The following MARCHF2 variants were observed in gnomAD, a reference collection of about 807,000 sequenced individuals.
MARCHF2 encodes E3 ubiquitin-protein ligase MARCHF2.
Under a neutral mutation model 24.0 loss-of-function variants are expected in MARCHF2, and 22 were observed. That is an observed-to-expected ratio of 0.92 (90% CI 0.66 to 1.31). MARCHF2 has a LOEUF of 1.31. MARCHF2 is among the 50% of genes most tolerant of loss of function. The pLI is 0.00. For missense variants in MARCHF2, 301 were observed against 335.3 expected, an observed-to-expected ratio of 0.90 and a Z score of 0.80; for synonymous variants, 154 against 153.0, an observed-to-expected ratio of 1.01 and a Z score of -0.05.
At chr19:8,419,013 C>T (rs907107333) in intron 1 of MARCHF2, among the ~76,000 whole-genome samples, 1 of 152,024 alleles carries the variant, frequency 6.6e-6, no homozygotes, top group African/African-American at 2.4e-5. Flanking sequence ...GGCTCCAGGG[C>T]ACCTGTATTG....
Position 8,430,697 on chromosome 19 carries a change from CTG to C in MARCHF2, c.415_416del (p.Cys139LeufsTer125), listed in dbSNP as rs759273580. On this transcript the variant is annotated frameshift_variant, in exon 4 of 5. Coordinates refer to ENST00000215555, the MANE Select transcript of MARCHF2 (RefSeq NM_001005415.2). LOFTEE classifies it high-confidence loss of function. This position sits in a 1 kb window ranked among gnomAD's most constrained non-coding sequence, Gnocchi z 4.4. Reference sequence around the variant, plus strand: ...GGGGCCGCGGACGGAGAAGCGGACACTGTGCTGCGACATGGTGTGTTTCCTGT... The same window carrying C: ...GGGGCCGCGGACGGAGAAGCGGACACTGCTGCGACATGGTGTGTTTCCTGT... ...DPGPRTEKRT[L>X]CCDMVCFLFI... is the part of the protein sequence containing the mutation. 16 of 1,610,988 alleles carry C rather than the reference CTG, an allele frequency of 9.9e-6. No individual in the cohort carries two copies. Among genetic ancestry groups the C allele is most frequent in the Middle Eastern group, 1.8e-4 (1 of 5,612 alleles).
chr19:8,418,895 A>C (rs986134195), intron 1 of MARCHF2: 2 of 151,920 alleles, frequency 1.3e-5, no homozygotes, highest in African/African-American at 4.8e-5. Context: ...TACTTCGCTG[A>C]GTACTTGATT....
At position 8,421,912 on chromosome 19, in the gene MARCHF2, G is replaced by A. The variant is rs749489843; in HGVS notation, c.72G>A (p.Lys24=). 1 of 1,613,874 alleles carries A rather than the reference G, an allele frequency of 6.2e-7. No individual in the cohort carries two copies. The highest frequency in any genetic ancestry group is 2.2e-5 in the East Asian group (1 of 44,866). Residue 24 remains lysine (K), a synonymous_variant, in exon 2 of 5, where the codon AAG becomes AAA. Transcript: ENST00000215555. The part of the protein sequence containing the change: ...CDCSGSPAFS[K]VVEATGLGPP... ...GCTCCGGCAGCCCTGCCTTCTCCAA[G>A]GTCGTGGAGGCTACGGGCCTCGGAC...
intron 2 of MARCHF2, 82 bp from the exon 3 acceptor site, chr19:8,426,527 T>C (rs1302881381): frequency 5.3e-5 from 61 of 1,146,016 alleles, no homozygotes; most frequent in Non-Finnish European, 7.4e-5. Context: ...GGGGTAAGGG[T>C]GAGCTTGTGA....
At chr19:8,435,240 G>A (rs1416315074) in intron 4 of MARCHF2, among the ~76,000 whole-genome samples, 2 of 151,856 alleles carry the variant, frequency 1.3e-5, no homozygotes, top group African/African-American at 2.4e-5. Context: ...GGATGGTCTC[G>A]ATTTCTTGAC....
intron 3 of MARCHF2, among the ~76,000 whole-genome samples, chr19:8,429,592 C>T (rs1049714271): frequency 6.6e-6 from 1 of 151,530 alleles, no homozygotes; most frequent in Admixed American, 6.6e-5. Context: ...GCAACCTCCA[C>T]CTCCTGGGTT....
At position 8,421,820 on chromosome 19, in the gene MARCHF2, G is replaced by A; in HGVS notation, c.-21G>A. ...GGAACCATGGGCCTCAGGCCCTGAG[G>A]ATACGGGGCTCCCGGTGGCCATGAC... On this transcript the variant is annotated 5_prime_UTR_variant, in exon 2 of 5. Coordinates refer to ENST00000215555, the MANE Select transcript of MARCHF2 (RefSeq NM_001005415.2). 6.3e-7 allele frequency: 1 copy of A among 1,593,166 alleles called. No homozygotes were observed. The highest frequency in any genetic ancestry group is 8.6e-7 in the Non-Finnish European group (1 of 1,169,130).
intron 4 of MARCHF2, among the ~76,000 whole-genome samples, chr19:8,433,675 C>CAAAAAA (rs143853447): frequency 2.2e-5 from 2 of 90,678 alleles, no homozygotes; most frequent in East Asian, 3.6e-4. Context: ...GACTCCGTCT[C>CAAAAAA]AAAAAAAAAA....
At chr19:8,437,593 C>T (rs1227462118) in intron 4 of MARCHF2, among the ~76,000 whole-genome samples, 1 of 151,688 alleles carries the variant, frequency 6.6e-6, no homozygotes, top group African/African-American at 2.4e-5. Flanking sequence ...CCTCATGATC[C>T]ACCTGCCTTG....
At chr19:8,416,815 C>A (rs533895951) in intron 1 of MARCHF2, among the ~76,000 whole-genome samples, 5 of 152,166 alleles carry the variant, frequency 3.3e-5, no homozygotes, top group African/African-American at 7.2e-5. Flanking sequence ...GATCCTCCCA[C>A]CTCAGCCCCC....
At chr19:8,435,445 C>A (rs190471818) in intron 4 of MARCHF2, among the ~76,000 whole-genome samples, 8 of 152,276 alleles carry the variant, frequency 5.3e-5, no homozygotes, top group East Asian at 3.9e-4. Context: ...CAGCCTCCCC[C>A]ACTATTAACA....
intron 1 of MARCHF2, among the ~76,000 whole-genome samples, chr19:8,420,489 T>G (rs536782802): frequency 6.8e-6 from 1 of 146,986 alleles, no homozygotes; most frequent in Non-Finnish European, 1.5e-5. Flanking sequence ...TGAGCTGAGA[T>G]CGTGCCACTG....
intron 2 of MARCHF2, 150 bp from the exon 3 acceptor site, chr19:8,426,459 G>C: frequency 1.6e-6 from 1 of 637,550 alleles, no homozygotes. Flanking sequence ...TTCCCAAAGG[G>C]AAGGACATTT....
intron 1 of MARCHF2, chr19:8,418,491 GT>G (rs1242459678): frequency 1.9e-5 from 3 of 154,102 alleles, no homozygotes; most frequent in Non-Finnish European, 4.3e-5. Context: ...GCTCAGATTT[GT>G]TTTTTTGTTT....
chr19:8,419,225 G>A (rs919326751), intron 1 of MARCHF2, among the ~76,000 whole-genome samples: 6 of 152,134 alleles, frequency 3.9e-5, no homozygotes, highest in Admixed American at 6.6e-5. Context: ...GCCGGGCGTG[G>A]TGGCTCATGC....
At chr19:8,419,896 C>T (rs113206823) in intron 1 of MARCHF2, among the ~76,000 whole-genome samples, 34 of 149,658 alleles carry the variant, frequency 2.3e-4, no homozygotes, top group African/African-American at 7.5e-4. Flanking sequence ...CAGTGGCTCA[C>T]ACCTGTAATC....
chr19:8,419,708 C>T (rs1352265028), intron 1 of MARCHF2, among the ~76,000 whole-genome samples: 4 of 146,594 alleles, frequency 2.7e-5, no homozygotes, highest in Non-Finnish European at 1.5e-5. Context: ...CCCAGCTACT[C>T]GGGAGGCTGA....
At position 8,416,300 on chromosome 19, in the gene MARCHF2, CACTGTACTCCAGCCTGGGCG is replaced by C. The variant is rs540975304; in HGVS notation, c.-53+2883_-53+2902del. 7.4e-5 allele frequency among the ~76,000 whole-genome samples: 11 copies of C among 147,900 alleles called. No individual in the cohort carries two copies. The South Asian group carries it at 8.6e-4, about 12-fold the overall frequency. ...GAGGTTGCAGTGAGCTGAGATCGGCCACTGTACTCCAGCCTGGGCGACAGAGCGAGACTCTGTCTCAAAAA... is the reference window on the plus strand; with the variant it reads ...GAGGTTGCAGTGAGCTGAGATCGGCCACAGAGCGAGACTCTGTCTCAAAAA... On this transcript the variant is annotated intron_variant, in intron 1 of 4. Coordinates refer to ENST00000215555, the MANE Select transcript of MARCHF2 (RefSeq NM_001005415.2).
Position 8,438,454 on chromosome 19 carries a change from A to C in MARCHF2, c.649A>C (p.Lys217Gln). 6.2e-7 allele frequency: 1 copy of C among 1,614,146 alleles called. No individual in the cohort carries two copies. Among genetic ancestry groups the C allele is most frequent in the Non-Finnish European group, 8.5e-7 (1 of 1,180,016 alleles). Residue 217 changes from lysine to glutamine, a missense_variant, in exon 5 of 5, where the codon AAG becomes CAG. Lys to Gln is a moderately conservative substitution (Grantham distance 53). Transcript: ENST00000215555. ...AAAGACCAACCAGAAAGTTCGCCTG[A>C]AGATCCGGGAGGCGGACAGCCCCGA... ...WRKTNQKVRLKIREADSPEGP... is the reference protein window; with the variant it reads ...WRKTNQKVRLQIREADSPEGP...
Sources: gnomAD v4.1 joint callset for allele counts (sites outside exome capture counted in the v4.1 genomes callset) on GRCh38, gnomAD v4.1.1 for gene constraint, Gnocchi (gnomAD v3.1) non-coding constraint, MANE v1.5 for transcripts, NCBI Gene and HGNC (gene_info 2026-07-23, HGNC 2026-07-21) for gene names.